The following TMC1 variants were observed in gnomAD, a reference collection of about 807,000 sequenced individuals.
TMC1 encodes the protein transmembrane channel-like protein 1.
A neutral mutation model predicts 105.8 loss-of-function variants in TMC1; 84 were observed. The ratio of observed to expected loss-of-function variants is 0.79; its 90% CI spans 0.67 to 0.95. The LOEUF (loss-of-function observed/expected upper bound fraction) is 0.95. TMC1 is among the 40% of genes least tolerant of loss of function. The probability of loss-of-function intolerance (pLI) is 0.00; values close to 1 mark genes in which losing one functional copy is unlikely to be tolerated. For missense variants in TMC1, 817 were observed against 914.1 expected (o/e 0.89, Z 1.37); for synonymous variants, 315 against 311.5 (o/e 1.01, Z -0.12).
At chr9:72,543,112 A>G (rs953626042) in intron 1 of TMC1, among the ~76,000 whole-genome samples, 9 of 152,152 alleles carry the variant, frequency 5.9e-5, no homozygotes, top group Non-Finnish European at 1.3e-4. Context: ...TTCATCTTGT[A>G]AGGTTGCCTT....
chr9:72,658,043 T>C (rs921464325), intron 5 of TMC1, among the ~76,000 whole-genome samples: 1 of 152,190 alleles, frequency 6.6e-6, no homozygotes, highest in Non-Finnish European at 1.5e-5. Context: ...GATTAAATTA[T>C]CCTCATATCC....
intron 18 of TMC1, among the ~76,000 whole-genome samples, chr9:72,811,024 C>T (rs568209579): frequency 1.9e-4 from 29 of 152,090 alleles, no homozygotes; most frequent in Non-Finnish European, 4.0e-4. Flanking sequence ...ATTCAGAGAT[C>T]TATAGAATGC....
rs77664971 is a variant in TMC1 at position 72,693,985 on chromosome 9, A to G, written c.65-558A>G. 6.0e-3 allele frequency among the ~76,000 whole-genome samples: 907 copies of G among 152,224 alleles called. 2 individuals are homozygous for G. The highest frequency in any genetic ancestry group is 0.01 in the Middle Eastern group (3 of 294). On this transcript the variant is annotated intron_variant, in intron 6 of 23. Coordinates refer to ENST00000297784, the MANE Select transcript of TMC1 (RefSeq NM_138691.3). Reference sequence around the variant, plus strand: ...TTTTTTTAAAGAAAAGAACAAAAATATTGAGGAAAAAGGAGAAAAATATTT... The same window carrying G: ...TTTTTTTAAAGAAAAGAACAAAAATGTTGAGGAAAAAGGAGAAAAATATTT...
chr9:72,835,933 T>TG lies in TMC1; in HGVS notation c.2261-18_2261-17insG. ...TCTCCTTGTTTTTTTTTTTTTTTTT[T>TG]TTCTGTTTTGTGAACAGCTGCAGCT... On this transcript the variant is annotated splice_polypyrimidine_tract_variant and intron_variant, in intron 23 of 23. Transcript: ENST00000297784. The TG allele has an allele frequency of 6.3e-7, 1 of 1,577,470 alleles. No homozygotes were observed.
At chr9:72,698,800 C>A (rs1826594254) in intron 7 of TMC1, among the ~76,000 whole-genome samples, 1 of 152,252 alleles carries the variant, frequency 6.6e-6, no homozygotes, top group Non-Finnish European at 1.5e-5. Flanking sequence ...GTGCTGGTTT[C>A]TGTGGGAGAG....
chr9:72,674,471 T>C (rs912623440), intron 5 of TMC1, among the ~76,000 whole-genome samples: 6 of 152,218 alleles, frequency 3.9e-5, no homozygotes, highest in Non-Finnish European at 8.8e-5. Flanking sequence ...ATGAGAGTTA[T>C]GTTTCCTAAA....
intron 13 of TMC1, among the ~76,000 whole-genome samples, chr9:72,776,691 A>G (rs1828011237): frequency 6.6e-6 from 1 of 152,160 alleles, no homozygotes; most frequent in Admixed American, 6.5e-5. Flanking sequence ...TTGAGTACCC[A>G]TTAGTTATTC....
At chr9:72,656,080 T>A (rs1000587595) in intron 5 of TMC1, 6 of 701,100 alleles carry the variant, frequency 8.6e-6, no homozygotes, top group Non-Finnish European at 1.6e-5. Context: ...TCTGATCAAG[T>A]CAGCACACAC....
chr9:72,629,500 A>G (rs1184211300), intron 4 of TMC1, among the ~76,000 whole-genome samples: 1 of 152,182 alleles, frequency 6.6e-6, no homozygotes, highest in Admixed American at 6.5e-5. Flanking sequence ...TAGGAATATT[A>G]ATGATTATAA....
chr9:72,625,174 A>G (rs1286540814), intron 3 of TMC1, among the ~76,000 whole-genome samples: 1 of 152,084 alleles, frequency 6.6e-6, no homozygotes, highest in African/African-American at 2.4e-5. Context: ...AGAAAAGACC[A>G]TGTTTGTTTC....
rs192443662 is a variant in TMC1, at chr9:72,762,806, G to T, written c.741+7922G>T. The stretch of plus-strand genomic sequence containing the variant: ...AACGCTGGGACTGGCAGTATCAAAG[G>T]GCTCTGTCCCTTATTTACTTCACTT... On this transcript the variant is annotated intron_variant, in intron 12 of 23. Transcript: ENST00000297784. Among the ~76,000 whole-genome samples the T allele has an allele frequency of 6.6e-5, 10 of 152,246 alleles. No homozygotes were observed. In the East Asian group the frequency reaches 1.9e-3, roughly 29 times the overall value.
In TMC1 at chr9:72,751,971, C is replaced by G. The variant is rs534533412; in HGVS notation, c.642+15C>G. 1 of 1,504,202 alleles carries G rather than the reference C, an allele frequency of 6.6e-7. No individual in the cohort carries two copies. Among genetic ancestry groups the G allele is most frequent in the South Asian group, 1.1e-5 (1 of 88,912 alleles). 93.2% of individuals were successfully genotyped at this position (1,504,202 alleles called of 1,614,324 possible). A position where few individuals can be genotyped will look rare whatever the true frequency, so the allele number is the denominator to read the frequency against. On this transcript the variant is annotated intron_variant, in intron 11 of 23. Transcript: ENST00000297784. The stretch of plus-strand genomic sequence containing the variant: ...TGTTGCCAGAGGTGAGATCTGACTT[C>G]CAGTTTACAAAACATGCTGAAAAAT...
chr9:72,635,543 A>C (rs985570610), intron 4 of TMC1, among the ~76,000 whole-genome samples: 1 of 152,208 alleles, frequency 6.6e-6, no homozygotes, highest in African/African-American at 2.4e-5. Context: ...TGTGCCAAAA[A>C]CAAACACTAT....
chr9:72,616,448 C>T lies in TMC1; in HGVS notation c.-225C>T, dbSNP rs1298899889. The T allele has an allele frequency of 6.6e-6, 1 of 151,922 alleles. No individual in the cohort carries two copies. The highest frequency in any genetic ancestry group is 6.6e-5 in the Admixed American group (1 of 15,252). The allele number at this position is 151,922 out of a possible 1,614,324, so 9.4% of individuals were successfully genotyped here. ...GTTTGAATCTCAGCTCTACTGTTTA[C>T]TAGACATGAAATGGGGAAATCTAAA... On this transcript the variant is annotated 5_prime_UTR_variant, in exon 3 of 24. Transcript: ENST00000297784.
At chr9:72,716,144 G>A (rs1826914345) in intron 8 of TMC1, among the ~76,000 whole-genome samples, 1 of 152,210 alleles carries the variant, frequency 6.6e-6, no homozygotes, top group South Asian at 2.1e-4. Context: ...CTTTGTCCCA[G>A]AGGGACATCC....
chr9:72,560,774 G>A (rs1183110572), intron 1 of TMC1, among the ~76,000 whole-genome samples: 7 of 151,726 alleles, frequency 4.6e-5, no homozygotes, highest in Non-Finnish European at 8.8e-5. Context: ...ATGAGCCACC[G>A]CGCCCGGCCT....
chr9:72,798,842 T>G (rs954646204), intron 17 of TMC1, among the ~76,000 whole-genome samples: 7 of 149,742 alleles, frequency 4.7e-5, no homozygotes, highest in East Asian at 1.9e-4. Context: ...AAAATAAAAG[T>G]TTTTTTTTAA....
At chr9:72,655,478 C>G (rs1825869567) in intron 5 of TMC1, among the ~76,000 whole-genome samples, 1 of 152,036 alleles carries the variant, frequency 6.6e-6, no homozygotes, top group Non-Finnish European at 1.5e-5. Flanking sequence ...TTCTGACTCT[C>G]CCTTCTGGGA....
intron 2 of TMC1, among the ~76,000 whole-genome samples, chr9:72,612,886 A>G (rs1587988924): frequency 6.6e-6 from 1 of 152,142 alleles, no homozygotes; most frequent in East Asian, 1.9e-4. Context: ...GACAGCCCCC[A>G]CAACAAAAAT....
Sources: allele counts gnomAD v4.1 joint callset (sites outside exome capture counted in the v4.1 genomes callset), GRCh38; gene constraint gnomAD v4.1.1; transcripts MANE v1.5; gene names NCBI Gene and HGNC (gene_info 2026-07-23, HGNC 2026-07-21).